Variants in ANKRD31 observed in about 807,000 individuals in gnomAD.
The protein encoded by ANKRD31 is ankyrin repeat domain 31.
Under a neutral mutation model 186.0 loss-of-function variants are expected in ANKRD31, and 147 were observed. That is an observed-to-expected ratio of 0.79 (90% CI 0.69 to 0.91). The LOEUF (loss-of-function observed/expected upper bound fraction) is 0.91, where lower values mean the gene tolerates loss of function less well. Among genes scored for constraint, ANKRD31 ranks in the 40% least tolerant of loss-of-function variants. The pLI, the probability that ANKRD31 is intolerant of heterozygous loss-of-function variation, is 0.00. For synonymous variants in ANKRD31, 673 were observed against 736.4 expected, an observed-to-expected ratio of 0.91 and a Z score of 1.39; for missense variants, 1,986 against 2,148.8, an observed-to-expected ratio of 0.92 and a Z score of 1.50.
chr5:75,177,665 T>C (rs1255801316), intron 10 of ANKRD31, among the ~76,000 whole-genome samples: 3 of 152,020 alleles, frequency 2.0e-5, no homozygotes, highest in Admixed American at 6.6e-5. Context: ...ATAAAATACT[T>C]TACAGACAAG....
chr5:75,160,109 T>G (rs1362665345), intron 11 of ANKRD31, among the ~76,000 whole-genome samples: 1 of 152,060 alleles, frequency 6.6e-6, no homozygotes, highest in Non-Finnish European at 1.5e-5. Flanking sequence ...CTCAGCTTCT[T>G]TAAGAGACCT....
At chr5:75,194,648 A>G (rs1755337486) in intron 7 of ANKRD31, among the ~76,000 whole-genome samples, 1 of 152,170 alleles carries the variant, frequency 6.6e-6, no homozygotes, top group African/African-American at 2.4e-5. Flanking sequence ...GATTAAATAA[A>G]TTACAATATA....
chr5:75,156,748 C>T (rs1053161009), intron 11 of ANKRD31, among the ~76,000 whole-genome samples: 1 of 152,132 alleles, frequency 6.6e-6, no homozygotes, highest in African/African-American at 2.4e-5. Flanking sequence ...CAGTCAAAAT[C>T]AAGGAAGGCT....
chr5:75,115,775 A>G (rs1198063773), intron 19 of ANKRD31, among the ~76,000 whole-genome samples: 1 of 151,562 alleles, frequency 6.6e-6, no homozygotes, highest in East Asian at 1.9e-4. Flanking sequence ...GCTGGAGAGG[A>G]TGTGGAGAAA....
At chr5:75,233,891 T>G (rs1238175379) in intron 1 of ANKRD31, among the ~76,000 whole-genome samples, 1 of 152,120 alleles carries the variant, frequency 6.6e-6, no homozygotes, top group African/African-American at 2.4e-5. Context: ...CACTCCAGCC[T>G]GGGTGATAGA....
intron 24 of ANKRD31, among the ~76,000 whole-genome samples, chr5:75,083,297 G>A (rs567740467): frequency 4.0e-4 from 61 of 152,082 alleles, no homozygotes; most frequent in African/African-American, 8.2e-4. Context: ...TTCAGATTTC[G>A]GATTTTTGAA....
intron 22 of ANKRD31, among the ~76,000 whole-genome samples, chr5:75,094,167 T>C (rs923895481): frequency 2.7e-4 from 41 of 152,244 alleles, no homozygotes; most frequent in African/African-American, 8.9e-4. Flanking sequence ...TTTATTGGGC[T>C]AAGGAAATGA....
chr5:75,192,603 T>C, intron 9 of ANKRD31, 64 bp downstream of exon 9: 1 of 1,252,588 alleles, frequency 8.0e-7, no homozygotes. Context: ...AGATAATCTC[T>C]GAATCCTTTC....
At chr5:75,073,218 G>A (rs1413679616) in intron 25 of ANKRD31, among the ~76,000 whole-genome samples, 3 of 151,888 alleles carry the variant, frequency 2.0e-5, no homozygotes, top group Non-Finnish European at 2.9e-5. Flanking sequence ...GATCACTTGA[G>A]CCCAGGAGTT....
chr5:75,104,318 T>C lies in ANKRD31; in HGVS notation c.5241A>G (p.Thr1747=). The C allele has an allele frequency of 6.5e-7, 1 of 1,537,140 alleles. No individual in the cohort carries two copies. The highest frequency in any genetic ancestry group is 2.0e-5 in the Admixed American group (1 of 51,002). Residue 1747 remains threonine (T), a synonymous_variant, in exon 22 of 26, where the codon ACA becomes ACG. Transcript: ENST00000506364. ...TCTGAATACATTTCTTTTTAGGAGC[T>C]GTACTGTAGTTTAAAGCCTTTTTTA... The part of the protein sequence containing the change: ...DTIKKALNYS[T]APKKKCIQIK...
At chr5:75,149,193 T>A (rs1034605663) in intron 12 of ANKRD31, among the ~76,000 whole-genome samples, 1 of 151,864 alleles carries the variant, frequency 6.6e-6, no homozygotes, top group Non-Finnish European at 1.5e-5. Context: ...TAGCCTCCTT[T>A]ATGTAATAAA....
intron 5 of ANKRD31, among the ~76,000 whole-genome samples, chr5:75,205,753 C>A (rs1418638822): frequency 6.6e-6 from 1 of 152,002 alleles, no homozygotes; most frequent in Admixed American, 6.6e-5. Context: ...TACTAGGTAT[C>A]ATTAAACACT....
At chr5:75,143,613 T>G (rs1751211642) in intron 15 of ANKRD31, among the ~76,000 whole-genome samples, 1 of 152,132 alleles carries the variant, frequency 6.6e-6, no homozygotes, top group African/African-American at 2.4e-5. Flanking sequence ...ACACACATAG[T>G]TCACTCATCT....
At chr5:75,162,033 C>T (rs564547175) in intron 11 of ANKRD31, among the ~76,000 whole-genome samples, 8 of 152,324 alleles carry the variant, frequency 5.3e-5, no homozygotes, top group East Asian at 1.9e-4. Context: ...GGGCTTGGAG[C>T]CCTCACAGAG....
chr5:75,171,923 T>A (rs1334480669), intron 10 of ANKRD31, among the ~76,000 whole-genome samples: 1 of 151,636 alleles, frequency 6.6e-6, no homozygotes, highest in African/African-American at 2.4e-5. Flanking sequence ...TCTTAACTTA[T>A]GAGGCTGGCA....
chr5:75,226,249 G>T (rs888460336), intron 2 of ANKRD31, among the ~76,000 whole-genome samples: 4 of 152,162 alleles, frequency 2.6e-5, no homozygotes, highest in Non-Finnish European at 4.4e-5. Flanking sequence ...TGTACTGAAG[G>T]GAAGGACACA....
rs542607745 is a variant in ANKRD31, at chr5:75,175,137, C to G, written c.1565-6016G>C. Among the ~76,000 whole-genome samples, 3 of 152,272 alleles carry G rather than the reference C, an allele frequency of 2.0e-5. No individual in the cohort carries two copies. In the East Asian group the frequency reaches 5.8e-4, roughly 29 times the overall value. On this transcript the variant is annotated intron_variant, in intron 10 of 25. Coordinates refer to ENST00000506364, the MANE Select transcript of ANKRD31 (RefSeq NM_001372053.1). The stretch of plus-strand genomic sequence containing the variant: ...AGCAAACTATCACAAGGACAGAAAA[C>G]CAAACACCGCATGTTCTCACTCATA...
chr5:75,188,324 C>A (rs1023583767), intron 10 of ANKRD31, among the ~76,000 whole-genome samples, 169 bp downstream of exon 10: 1 of 152,124 alleles, frequency 6.6e-6, no homozygotes, highest in African/African-American at 2.4e-5. Flanking sequence ...TCTCACCCTG[C>A]CCTCTTCCCT....
chr5:75,077,868 G>C (rs1294532083), intron 25 of ANKRD31, among the ~76,000 whole-genome samples: 2 of 147,470 alleles, frequency 1.4e-5, no homozygotes, highest in Non-Finnish European at 3.0e-5. Flanking sequence ...GGAGGCGGAG[G>C]TTGCAGTGAG....
Sources: gnomAD v4.1 joint callset for allele counts (sites outside exome capture counted in the v4.1 genomes callset) on GRCh38, gnomAD v4.1.1 for gene constraint, MANE v1.5 for transcripts, NCBI Gene and HGNC (gene_info 2026-07-23, HGNC 2026-07-21) for gene names.